Variants in XPOT observed in about 807,000 individuals in gnomAD.
XPOT encodes exportin for tRNA.
A neutral mutation model predicts 128.2 loss-of-function variants in XPOT; 34 were observed. The observed-to-expected ratio is 0.27, with a 90% CI of 0.20 to 0.35. The LOEUF (loss-of-function observed/expected upper bound fraction) is 0.35, where lower values mean the gene tolerates loss of function less well. Among genes scored for constraint, XPOT ranks in the 10% least tolerant of loss-of-function variants. XPOT has a pLI of 1.00. For missense variants in XPOT, 838 were observed against 1,125.3 expected, an observed-to-expected ratio of 0.74 and a Z score of 3.65; for synonymous variants, 348 against 394.3, an observed-to-expected ratio of 0.88 and a Z score of 1.39.
Position 64,425,828 on chromosome 12 carries a change from A to G in XPOT, c.1586A>G (p.Asp529Gly). The G allele has an allele frequency of 6.2e-7, 1 of 1,614,044 alleles. No homozygotes were observed. Among genetic ancestry groups the G allele is most frequent in the Non-Finnish European group, 8.5e-7 (1 of 1,179,988 alleles). Residue 529 changes from aspartate (D) to glycine (G), a missense_variant, in exon 15 of 25, where the codon GAT (aspartate) becomes GGT (glycine). Coordinates refer to ENST00000332707, the MANE Select transcript of XPOT (RefSeq NM_007235.6). ...HIPCVLMAFLDHRGLRHSSAK... is the reference protein window; with the variant it reads ...HIPCVLMAFLGHRGLRHSSAK... ...CTCCTTCTTTAGATGGCTTTCTTAG[A>G]TCACAGAGGTCTGCGGCATTCCAGT...
chr12:64,427,565 A>G (rs995724407), intron 15 of XPOT, among the ~76,000 whole-genome samples: 27 of 152,108 alleles, frequency 1.8e-4, no homozygotes, highest in African/African-American at 6.5e-4. Flanking sequence ...GCTGGATCCC[A>G]GTTCACTGCA....
chr12:64,446,878 A>C (rs2040370875), intron 24 of XPOT, among the ~76,000 whole-genome samples: 1 of 152,178 alleles, frequency 6.6e-6, no homozygotes, highest in Non-Finnish European at 1.5e-5. Flanking sequence ...GTACTAGGGC[A>C]CTATCAATAC....
intron 23 of XPOT, 140 bp from the exon 24 acceptor site, chr12:64,444,935 T>C (rs111880586): frequency 0.098 from 53,579 of 546,128 alleles, 3,421 homozygotes; most frequent in Middle Eastern, 0.22. Context: ...ATCACACCAC[T>C]GTACTCCAGC....
intron 2 of XPOT, among the ~76,000 whole-genome samples, chr12:64,412,063 G>T (rs1244860087): frequency 8.1e-6 from 1 of 123,896 alleles, no homozygotes. Flanking sequence ...TCACTCTGTT[G>T]CCCAGCCTGG....
At chr12:64,410,161 A>T in intron 2 of XPOT, 66 bp downstream of exon 2, 1 of 1,478,980 alleles carries the variant, frequency 6.8e-7, no homozygotes, top group Non-Finnish European at 9.4e-7. Context: ...GGACTTGAAT[A>T]AAAATGCACC....
chr12:64,435,724 A>T (rs752814283), intron 22 of XPOT, 50 bp downstream of exon 22: 1 of 1,529,352 alleles, frequency 6.5e-7, no homozygotes, highest in South Asian at 1.3e-5. Flanking sequence ...ATGTGGTATT[A>T]TTATCTTGTT....
chr12:64,414,669 C>T (rs1053148553), intron 2 of XPOT, among the ~76,000 whole-genome samples: 5 of 152,128 alleles, frequency 3.3e-5, no homozygotes, highest in African/African-American at 1.2e-4. Flanking sequence ...TGTGTTGTTG[C>T]TGCTGTAAGA....
chr12:64,429,308 C>G lies in XPOT; in HGVS notation c.1738-741C>G, dbSNP rs545180966. ...GTCAATTGGATGGTGCCCGCCAACA[C>G]TGAGGGCAGGTCTTCCCCACATAGT... On this transcript the variant is annotated intron_variant, in intron 16 of 24. Coordinates refer to ENST00000332707, the MANE Select transcript of XPOT (RefSeq NM_007235.6). Among the ~76,000 whole-genome samples, 5 of 152,322 alleles carry G rather than the reference C, an allele frequency of 3.3e-5. No individual in the cohort carries two copies. The East Asian group carries it at 9.6e-4, about 29-fold the overall frequency.
At chr12:64,425,992 C>A in intron 15 of XPOT, 83 bp downstream of exon 15, 1 of 1,281,570 alleles carries the variant, frequency 7.8e-7, no homozygotes, top group Non-Finnish European at 1.1e-6. Flanking sequence ...GACATGGAAT[C>A]AACCTAGGTG....
intron 1 of XPOT, among the ~76,000 whole-genome samples, chr12:64,405,954 G>C (rs1226565209): frequency 6.6e-6 from 1 of 151,944 alleles, no homozygotes; most frequent in Non-Finnish European, 1.5e-5. Context: ...CTTCTATGTG[G>C]GGGATTCTTT....
chr12:64,421,518 G>C, intron 9 of XPOT, 47 bp downstream of exon 9: 1 of 1,318,610 alleles, frequency 7.6e-7, no homozygotes, highest in African/African-American at 1.5e-5. Flanking sequence ...ATACAAAGGA[G>C]CCATGGAGAA....
At chr12:64,424,054 A>G (rs923899699) in intron 11 of XPOT, among the ~76,000 whole-genome samples, 1 of 152,182 alleles carries the variant, frequency 6.6e-6, no homozygotes, top group African/African-American at 2.4e-5. Context: ...CAGACATTCA[A>G]AAACTTAGGG....
chr12:64,410,976 A>G (rs2040033516), intron 2 of XPOT, among the ~76,000 whole-genome samples: 1 of 152,236 alleles, frequency 6.6e-6, no homozygotes, highest in Non-Finnish European at 1.5e-5. Context: ...ACTAAAAATT[A>G]TAGCAGTTTT....
In XPOT at chr12:64,416,768, T is replaced by TA; in HGVS notation, c.200+15dup. 6.2e-7 allele frequency: 1 copy of TA among 1,608,760 alleles called. No homozygotes were observed. Among genetic ancestry groups the TA allele is most frequent in the Non-Finnish European group, 8.5e-7 (1 of 1,177,080 alleles). On this transcript the variant is annotated intron_variant, in intron 4 of 24. Transcript: ENST00000332707. ...AGTTAAATACAAGTAAGGCTTTTCT[T>TA]ACTGTTTTGACTCAGATTTGCGGGG...
intron 17 of XPOT, 63 bp downstream of exon 17, chr12:64,430,350 T>C (rs2040228920): frequency 7.8e-7 from 1 of 1,280,810 alleles, no homozygotes; most frequent in South Asian, 1.6e-5. Context: ...ACCACTTGTT[T>C]GGTGGGCACA....
At chr12:64,430,456 G>A (rs2040229531) in intron 17 of XPOT, among the ~76,000 whole-genome samples, 169 bp downstream of exon 17, 1 of 152,208 alleles carries the variant, frequency 6.6e-6, no homozygotes, top group Non-Finnish European at 1.5e-5. Context: ...AAGGGGATAG[G>A]TTACATACCA....
chr12:64,410,187 T>A lies in XPOT; in HGVS notation c.60+92T>A, dbSNP rs543917793. The A allele has an allele frequency of 1.0e-5, 13 of 1,275,758 alleles. No homozygotes were observed. In the South Asian group the frequency reaches 1.4e-4, roughly 14 times the overall value. 79.0% of individuals were successfully genotyped at this position (1,275,758 alleles called of 1,614,324 possible). ...AAAATGCACCTGGCAAAAGTTTACT[T>A]TGGGTAGAAATGAACAGAAACAAAA... On this transcript the variant is annotated intron_variant, in intron 2 of 24. Coordinates refer to ENST00000332707, the MANE Select transcript of XPOT (RefSeq NM_007235.6).
intron 6 of XPOT, 50 bp downstream of exon 6, chr12:64,419,144 G>GATTT: frequency 1.4e-6 from 2 of 1,451,584 alleles, no homozygotes; most frequent in Non-Finnish European, 1.9e-6. Context: ...TTTTGTAGGT[G>GATTT]ATAATGGGCA....
At chr12:64,433,954 T>TG (rs1251907871) in intron 19 of XPOT, among the ~76,000 whole-genome samples, 2 of 152,188 alleles carry the variant, frequency 1.3e-5, no homozygotes, top group African/African-American at 2.4e-5. Context: ...TAGAGAATTC[T>TG]GTATAGGAAA....
Sources: allele counts gnomAD v4.1 joint callset (sites outside exome capture counted in the v4.1 genomes callset), GRCh38; gene constraint gnomAD v4.1.1; transcripts MANE v1.5; gene names NCBI Gene and HGNC (gene_info 2026-07-23, HGNC 2026-07-21).